Variants in KRTAP20-2 observed in about 807,000 individuals in gnomAD.
The protein encoded by KRTAP20-2 is keratin associated protein 20-2.
In KRTAP20-2, 7 loss-of-function variants were observed where a neutral mutation model predicts 5.2. The ratio of observed to expected loss-of-function variants is 1.36; its 90% CI spans 0.77 to 2.55. The LOEUF (loss-of-function observed/expected upper bound fraction) is 2.55. Ranked by LOEUF, KRTAP20-2 falls within the 30% of genes most tolerant of loss-of-function variation. The pLI is 0.00. For missense variants in KRTAP20-2, 84 were observed against 84.0 expected, an observed-to-expected ratio of 1.00 and a Z score of 0.00; for synonymous variants, 32 against 33.7, an observed-to-expected ratio of 0.95 and a Z score of 0.17.
At position 30,635,395 on chromosome 21, in the gene KRTAP20-2, T is replaced by G; in HGVS notation, c.132T>G (p.Gly44=). The G allele has an allele frequency of 6.2e-7, 1 of 1,613,438 alleles. No homozygotes were observed. Residue 44 remains glycine, a synonymous_variant, in exon 1 of 1, where the codon GGT becomes GGG. Coordinates refer to ENST00000330798, the MANE Select transcript of KRTAP20-2 (RefSeq NM_181616.3). ...GLGCGYGRGY[G]GYGYGCCRPS... is the part of the protein sequence containing the mutation. ...GCTGTGGCTATGGCCGTGGCTATGG[T>G]GGCTATGGATATGGCTGCTGCCGCC...
In KRTAP20-2 at chr21:30,635,441, T is replaced by A; in HGVS notation, c.178T>A (p.Trp60Arg). The A allele has an allele frequency of 6.2e-7, 1 of 1,614,192 alleles. No individual in the cohort carries two copies. The highest frequency in any genetic ancestry group is 8.5e-7 in the Non-Finnish European group (1 of 1,179,994). ...CCGCCCATCTTGCTATGGAAGATAC[T>A]GGTCCTGTGGCTTCTACTGAGAAAT... is the stretch of plus-strand genomic sequence containing the variant. ...CCRPSCYGRY[W>R]SCGFY Residue 60 changes from tryptophan (W) to arginine (R), a missense_variant, in exon 1 of 1, where the codon TGG becomes AGG. Transcript: ENST00000330798.
chr21:30,635,409 G>C lies in KRTAP20-2; in HGVS notation c.146G>C (p.Gly49Ala). 2 of 1,613,996 alleles carry C rather than the reference G, an allele frequency of 1.2e-6. No homozygotes were observed. The highest frequency in any genetic ancestry group is 1.7e-6 in the Non-Finnish European group (2 of 1,179,850). ...CGTGGCTATGGTGGCTATGGATATG[G>C]CTGCTGCCGCCCATCTTGCTATGGA... ...YGRGYGGYGY[G>A]CCRPSCYGRY... Residue 49 changes from glycine (G) to alanine (A), a missense_variant, in exon 1 of 1, where the codon GGC becomes GCC. Physicochemically the swap from Gly to Ala is moderately conservative, Grantham distance 60. Transcript: ENST00000330798.
Position 30,635,351 on chromosome 21 carries a change from C to G in KRTAP20-2, c.88C>G (p.His30Asp). 1 of 1,610,696 alleles carries G rather than the reference C, an allele frequency of 6.2e-7. No individual in the cohort carries two copies. The highest frequency in any genetic ancestry group is 1.1e-5 in the South Asian group (1 of 91,012). ...GGYGCGCGYG[H>D]GYGGLGCGYG... ...CTATGGCTGTGGCTGTGGTTATGGCCATGGCTATGGAGGCCTGGGCTGTGG... is the reference window on the plus strand; with the variant it reads ...CTATGGCTGTGGCTGTGGTTATGGCGATGGCTATGGAGGCCTGGGCTGTGG... The change falls in exon 1 of 1, where the codon CAT becomes GAT. Residue 30 changes from histidine to aspartate, a missense_variant. His to Asp is a moderately conservative substitution (Grantham distance 81). Transcript: ENST00000330798.
In KRTAP20-2 at chr21:30,635,420, C is replaced by G. The variant is rs1490137278; in HGVS notation, c.157C>G (p.Pro53Ala). Reference sequence around the variant, plus strand: ...TGGCTATGGATATGGCTGCTGCCGCCCATCTTGCTATGGAAGATACTGGTC... The same window carrying G: ...TGGCTATGGATATGGCTGCTGCCGCGCATCTTGCTATGGAAGATACTGGTC... Reference protein sequence around the residue: ...YGGYGYGCCRPSCYGRYWSCG... With the variant: ...YGGYGYGCCRASCYGRYWSCG... The change falls in exon 1 of 1, where the codon CCA becomes GCA. Residue 53 changes from proline to alanine, a missense_variant. Coordinates refer to ENST00000330798, the MANE Select transcript of KRTAP20-2 (RefSeq NM_181616.3). The G allele has an allele frequency of 1.9e-6, 3 of 1,614,076 alleles. No homozygotes were observed. Among genetic ancestry groups the G allele is most frequent in the Admixed American group, 3.3e-5 (2 of 60,020 alleles).
In KRTAP20-2 at chr21:30,635,403, G is replaced by A; in HGVS notation, c.140G>A (p.Gly47Glu). Reference protein sequence around the residue: ...CGYGRGYGGYGYGCCRPSCYG... With the variant: ...CGYGRGYGGYEYGCCRPSCYG... ...TATGGCCGTGGCTATGGTGGCTATG[G>A]ATATGGCTGCTGCCGCCCATCTTGC... Residue 47 changes from glycine (G) to glutamate (E), a missense_variant, in exon 1 of 1, where the codon GGA (glycine) becomes GAA (glutamate). By Grantham distance (98) the Gly-to-Glu change is moderately conservative. Coordinates refer to ENST00000330798, the MANE Select transcript of KRTAP20-2 (RefSeq NM_181616.3). 6.2e-7 allele frequency: 1 copy of A among 1,614,038 alleles called. No individual in the cohort carries two copies. The highest frequency in any genetic ancestry group is 1.1e-5 in the South Asian group (1 of 91,084).
At chr21:30,635,309 G>T in the KRTAP20-2 span, 4 of 1,614,084 alleles carry the variant, frequency 2.5e-6, no homozygotes, top group Non-Finnish European at 3.4e-6. Flanking sequence ...TTATGGCTAT[G>T]GAGTCCTGGG....
rs754418031 is a variant in KRTAP20-2 at position 30,635,371 on chromosome 21, C to A, written c.108C>A (p.Gly36=). ...CGYGHGYGGL[G]CGYGRGYGGY... ...ATGGCCATGGCTATGGAGGCCTGGG[C>A]TGTGGCTATGGCCGTGGCTATGGTG... Residue 36 remains glycine, a synonymous_variant, in exon 1 of 1, where the codon GGC becomes GGA. Coordinates refer to ENST00000330798, the MANE Select transcript of KRTAP20-2 (RefSeq NM_181616.3). 1 of 1,610,882 alleles carries A rather than the reference C, an allele frequency of 6.2e-7. No individual in the cohort carries two copies. Among genetic ancestry groups the A allele is most frequent in the Non-Finnish European group, 8.5e-7 (1 of 1,177,036 alleles).
chr21:30,635,211 A>G lies in KRTAP20-2; in HGVS notation c.-53A>G. 6.2e-7 allele frequency: 1 copy of G among 1,605,030 alleles called. No homozygotes were observed. Among genetic ancestry groups the G allele is most frequent in the Non-Finnish European group, 8.5e-7 (1 of 1,173,728 alleles). On this transcript the variant is annotated 5_prime_UTR_variant, in exon 1 of 1. Coordinates refer to ENST00000330798, the MANE Select transcript of KRTAP20-2 (RefSeq NM_181616.3). ...CTGCCTGGGCATATAGGGATATTCA[A>G]ACTGAAGAAACTGATTCCTTGCTCC...
rs1426063734 is a variant in KRTAP20-2, at chr21:30,635,321, G to T, written c.58G>T (p.Gly20Cys). Residue 20 changes from glycine to cysteine, a missense_variant, in exon 1 of 1, where the codon GGT becomes TGT. Gly to Cys is a radical substitution (Grantham distance 159, BLOSUM62 -3). Transcript: ENST00000330798. The stretch of plus-strand genomic sequence containing the variant: ...GCGTTATGGCTATGGAGTCCTGGGC[G>T]GTGGCTATGGCTGTGGCTGTGGTTA... ...GLRYGYGVLGGGYGCGCGYGH... is the reference protein window; with the variant it reads ...GLRYGYGVLGCGYGCGCGYGH... 1 of 1,613,388 alleles carries T rather than the reference G, an allele frequency of 6.2e-7. No homozygotes were observed. Among genetic ancestry groups the T allele is most frequent in the Non-Finnish European group, 8.5e-7 (1 of 1,179,354 alleles).
At position 30,635,431 on chromosome 21, in the gene KRTAP20-2, T is replaced by C; in HGVS notation, c.168T>C (p.Tyr56=). ...ATGGCTGCTGCCGCCCATCTTGCTA[T>C]GGAAGATACTGGTCCTGTGGCTTCT... ...YGYGCCRPSC[Y]GRYWSCGFY Residue 56 remains tyrosine (Y), a synonymous_variant, in exon 1 of 1, where the codon TAT becomes TAC. Coordinates refer to ENST00000330798, the MANE Select transcript of KRTAP20-2 (RefSeq NM_181616.3). 1 of 1,614,184 alleles carries C rather than the reference T, an allele frequency of 6.2e-7. No homozygotes were observed. The highest frequency in any genetic ancestry group is 8.5e-7 in the Non-Finnish European group (1 of 1,179,976).
rs2123630297 is a variant in KRTAP20-2, at chr21:30,635,469, C to G, written c.*8C>G. The stretch of plus-strand genomic sequence containing the variant: ...TCCTGTGGCTTCTACTGAGAAATAT[C>G]TGGCAACTCAACCTCGTGGTCTCTT... On this transcript the variant is annotated 3_prime_UTR_variant, in exon 1 of 1. Transcript: ENST00000330798. 6.2e-7 allele frequency: 1 copy of G among 1,613,702 alleles called. No individual in the cohort carries two copies. The highest frequency in any genetic ancestry group is 1.1e-5 in the South Asian group (1 of 91,078).
At position 30,635,430 on chromosome 21, in the gene KRTAP20-2, A is replaced by G. The variant is rs567837344; in HGVS notation, c.167A>G (p.Tyr56Cys). The change falls in exon 1 of 1, where the codon TAT becomes TGT. Residue 56 changes from tyrosine (Y) to cysteine (C), a missense_variant. Transcript: ENST00000330798. ...TATGGCTGCTGCCGCCCATCTTGCTATGGAAGATACTGGTCCTGTGGCTTC... is the reference window on the plus strand; with the variant it reads ...TATGGCTGCTGCCGCCCATCTTGCTGTGGAAGATACTGGTCCTGTGGCTTC... ...YGYGCCRPSCYGRYWSCGFY is the reference protein window; with the variant it reads ...YGYGCCRPSCCGRYWSCGFY 8.1e-6 allele frequency: 13 copies of G among 1,614,122 alleles called. No homozygotes were observed. In the Admixed American group the frequency reaches 1.5e-4, roughly 19 times the overall value.
At position 30,635,569 on chromosome 21, in the gene KRTAP20-2, A is replaced by C; in HGVS notation, c.*108A>C. 9.0e-7 allele frequency: 1 copy of C among 1,107,266 alleles called. No homozygotes were observed. Among genetic ancestry groups the C allele is most frequent in the Admixed American group, 2.0e-5 (1 of 50,306 alleles). The allele number at this position is 1,107,266 out of a possible 1,614,324, so 68.6% of individuals were successfully genotyped here. A position where few individuals can be genotyped will look rare whatever the true frequency, so the allele number is the denominator to read the frequency against. ...CATTTTTCTGTTGTAAAATGTCAAC[A>C]TCATCCTTAAGTATCTGGAAGAAAA... is the stretch of plus-strand genomic sequence containing the variant. On this transcript the variant is annotated 3_prime_UTR_variant, in exon 1 of 1. Coordinates refer to ENST00000330798, the MANE Select transcript of KRTAP20-2 (RefSeq NM_181616.3).
rs780730860 is a variant in KRTAP20-2, at chr21:30,635,499, A to G, written c.*38A>G. 2 of 1,598,286 alleles carry G rather than the reference A, an allele frequency of 1.3e-6. No individual in the cohort carries two copies. The highest frequency in any genetic ancestry group is 2.2e-5 in the East Asian group (1 of 44,566). ...AACTCAACCTCGTGGTCTCTTCCACATGGACTTCCTAAATTTGCCTTCATA... is the reference window on the plus strand; with the variant it reads ...AACTCAACCTCGTGGTCTCTTCCACGTGGACTTCCTAAATTTGCCTTCATA... On this transcript the variant is annotated 3_prime_UTR_variant, in exon 1 of 1. Transcript: ENST00000330798.
In KRTAP20-2 at chr21:30,635,544, C is replaced by A; in HGVS notation, c.*83C>A. 7.4e-7 allele frequency: 1 copy of A among 1,349,988 alleles called. No individual in the cohort carries two copies. Among genetic ancestry groups the A allele is most frequent in the Non-Finnish European group, 1.0e-6 (1 of 960,348 alleles). The allele number at this position is 1,349,988 out of a possible 1,614,324, so 83.6% of individuals were successfully genotyped here. The stretch of plus-strand genomic sequence containing the variant: ...TTCATAATTCTTCATATGAGTAATT[C>A]ATTTTTCTGTTGTAAAATGTCAACA... On this transcript the variant is annotated 3_prime_UTR_variant, in exon 1 of 1. Transcript: ENST00000330798.
At position 30,635,283 on chromosome 21, in the gene KRTAP20-2, A is replaced by G. The variant is rs780688726; in HGVS notation, c.20A>G (p.Tyr7Cys). The G allele has an allele frequency of 6.2e-7, 1 of 1,613,972 alleles. No homozygotes were observed. The highest frequency in any genetic ancestry group is 8.5e-7 in the Non-Finnish European group (1 of 1,179,980). Residue 7 changes from tyrosine (Y) to cysteine (C), a missense_variant, in exon 1 of 1, where the codon TAC becomes TGC. Physicochemically the swap from Tyr to Cys is radical, Grantham distance 194. Coordinates refer to ENST00000330798, the MANE Select transcript of KRTAP20-2 (RefSeq NM_181616.3). ...GAAACCATGTGCTACTACAGCAACT[A>G]CTATGGTGGTCTGCGTTATGGCTAT... MCYYSN[Y>C]YGGLRYGYGV... is the part of the protein sequence containing the mutation.
Position 30,635,291 on chromosome 21 carries a change from G to A in KRTAP20-2, c.28G>A (p.Gly10Ser). The stretch of plus-strand genomic sequence containing the variant: ...GTGCTACTACAGCAACTACTATGGT[G>A]GTCTGCGTTATGGCTATGGAGTCCT... MCYYSNYYG[G>S]LRYGYGVLGG... is the part of the protein sequence containing the mutation. The change falls in exon 1 of 1, where the codon GGT becomes AGT. Residue 10 changes from glycine (G) to serine (S), a missense_variant. Transcript: ENST00000330798. The A allele has an allele frequency of 6.2e-7, 1 of 1,614,114 alleles. No individual in the cohort carries two copies. The highest frequency in any genetic ancestry group is 8.5e-7 in the Non-Finnish European group (1 of 1,179,986).
rs1323729016 is a variant in KRTAP20-2, at chr21:30,635,500, T to C, written c.*39T>C. The stretch of plus-strand genomic sequence containing the variant: ...ACTCAACCTCGTGGTCTCTTCCACA[T>C]GGACTTCCTAAATTTGCCTTCATAA... On this transcript the variant is annotated 3_prime_UTR_variant, in exon 1 of 1. Transcript: ENST00000330798. 1 of 1,598,092 alleles carries C rather than the reference T, an allele frequency of 6.3e-7. No individual in the cohort carries two copies. The highest frequency in any genetic ancestry group is 1.7e-5 in the Admixed American group (1 of 58,774).
At position 30,635,517 on chromosome 21, in the gene KRTAP20-2, C is replaced by A; in HGVS notation, c.*56C>A. 1 of 1,558,242 alleles carries A rather than the reference C, an allele frequency of 6.4e-7. No individual in the cohort carries two copies. ...CTTCCACATGGACTTCCTAAATTTG[C>A]CTTCATAATTCTTCATATGAGTAAT... On this transcript the variant is annotated 3_prime_UTR_variant, in exon 1 of 1. Coordinates refer to ENST00000330798, the MANE Select transcript of KRTAP20-2 (RefSeq NM_181616.3).
Sources: gnomAD v4.1 joint callset for allele counts on GRCh38, gnomAD v4.1.1 for gene constraint, MANE v1.5 for transcripts, NCBI Gene and HGNC (gene_info 2026-07-23, HGNC 2026-07-21) for gene names.